The following NRXN3 variants were observed in gnomAD, a reference collection of about 807,000 sequenced individuals.
NRXN3 encodes neurexin III.
In NRXN3, 32 loss-of-function variants were observed where a neutral mutation model predicts 137.6. The observed-to-expected ratio is 0.23, with a 90% confidence interval of 0.18 to 0.31. The LOEUF (loss-of-function observed/expected upper bound fraction) is 0.31. Ranked by LOEUF, NRXN3 falls within the 10% of genes least tolerant of loss-of-function variation. The probability of loss-of-function intolerance (pLI) is 1.00; values close to 1 mark genes in which losing one functional copy is unlikely to be tolerated. For missense variants in NRXN3, 1,574 were observed against 2,062.5 expected, an observed-to-expected ratio of 0.76 and a Z score of 4.59; for synonymous variants, 798 against 784.5, an observed-to-expected ratio of 1.02 and a Z score of -0.29.
At chr14:78,966,454 A>T (rs2099417423) in intron 12 of NRXN3, 48 bp downstream of exon 12, 2 of 1,555,894 alleles carry the variant, frequency 1.3e-6, no homozygotes, top group Non-Finnish European at 1.7e-6. Context: ...TAATCTACTG[A>T]AGCTCTACGT....
chr14:79,818,442 C>G (rs2099259867), intron 20 of NRXN3, among the ~76,000 whole-genome samples: 2 of 152,188 alleles, frequency 1.3e-5, no homozygotes, highest in Admixed American at 1.3e-4. Flanking sequence ...TGTTAGGAAT[C>G]TAAGGATAGA....
At chr14:79,011,516 C>T (rs1487096026) in intron 15 of NRXN3, among the ~76,000 whole-genome samples, 1 of 151,424 alleles carries the variant, frequency 6.6e-6, no homozygotes, top group Non-Finnish European at 1.5e-5. Flanking sequence ...CTATCATTAT[C>T]CATGTTGATA....
intron 1 of NRXN3, among the ~76,000 whole-genome samples, chr14:78,174,119 GATAACA>G (rs1355770879): frequency 5.9e-5 from 9 of 152,140 alleles, no homozygotes; most frequent in Non-Finnish European, 8.8e-5. Context: ...AATGGGGGTA[GATAACA>G]TTAATAATTT....
chr14:78,749,995 C>T (rs1402851229), intron 8 of NRXN3, among the ~76,000 whole-genome samples: 1 of 152,340 alleles, frequency 6.6e-6, no homozygotes, highest in African/African-American at 2.4e-5. Flanking sequence ...GTTCCTTCAG[C>T]CTCCAAAAGC....
intron 19 of NRXN3, among the ~76,000 whole-genome samples, chr14:79,769,361 G>C (rs759631254): frequency 6.6e-6 from 1 of 151,442 alleles, no homozygotes; most frequent in African/African-American, 2.4e-5. Context: ...AAATGTTAAG[G>C]GCAGCCAGAG....
chr14:79,624,917 C>T (rs1346567204), intron 16 of NRXN3, among the ~76,000 whole-genome samples: 1 of 151,688 alleles, frequency 6.6e-6, no homozygotes, highest in Non-Finnish European at 1.5e-5. Context: ...GATTCTGTCA[C>T]ATCAGTGTCC....
chr14:78,993,568 G>C (rs1343186031), intron 15 of NRXN3, among the ~76,000 whole-genome samples: 4 of 152,130 alleles, frequency 2.6e-5, no homozygotes, highest in South Asian at 2.1e-4. Flanking sequence ...ACAATTGTTT[G>C]TTGCTTAGAA....
At chr14:79,230,833 C>T (rs2153276035) in intron 15 of NRXN3, among the ~76,000 whole-genome samples, 1 of 152,166 alleles carries the variant, frequency 6.6e-6, no homozygotes, top group Non-Finnish European at 1.5e-5. Context: ...AGTAATGTGA[C>T]CTCCTGCTAT....
intron 15 of NRXN3, among the ~76,000 whole-genome samples, chr14:79,397,343 T>C (rs570068174): frequency 6.6e-6 from 1 of 152,350 alleles, no homozygotes; most frequent in Admixed American, 6.5e-5. Flanking sequence ...AATTGCAAGA[T>C]AATTGATAAC....
At chr14:79,487,399 C>T (rs1156579963) in intron 16 of NRXN3, among the ~76,000 whole-genome samples, 1 of 152,130 alleles carries the variant, frequency 6.6e-6, no homozygotes, top group African/African-American at 2.4e-5. Flanking sequence ...TTTACAAAAA[C>T]AGACACCGAG....
At chr14:79,605,083 A>G (rs1461201962) in intron 16 of NRXN3, among the ~76,000 whole-genome samples, 1 of 152,176 alleles carries the variant, frequency 6.6e-6, no homozygotes, top group Non-Finnish European at 1.5e-5. Context: ...TTCAATTTAT[A>G]GTTAGCATGA....
intron 8 of NRXN3, among the ~76,000 whole-genome samples, chr14:78,778,295 G>T (rs2098751369): frequency 6.6e-6 from 1 of 152,150 alleles, no homozygotes; most frequent in African/African-American, 2.4e-5. Context: ...GACACATGGA[G>T]TTTACTTTAA....
intron 4 of NRXN3, among the ~76,000 whole-genome samples, chr14:78,607,075 G>A (rs2152456373): frequency 6.6e-6 from 1 of 152,216 alleles, no homozygotes; most frequent in South Asian, 2.1e-4. Flanking sequence ...TGGAGCTGAG[G>A]GCATTGTAAG....
chr14:78,355,799 C>A (rs959855041), intron 4 of NRXN3, among the ~76,000 whole-genome samples: 1 of 152,188 alleles, frequency 6.6e-6, no homozygotes, highest in Non-Finnish European at 1.5e-5. Context: ...ACGGATACGT[C>A]ATTTATCAAT....
chr14:78,896,746 A>G (rs1342363297), intron 10 of NRXN3, among the ~76,000 whole-genome samples: 3 of 151,976 alleles, frequency 2.0e-5, no homozygotes, highest in Non-Finnish European at 4.4e-5. Flanking sequence ...AATGTTTATC[A>G]ATAAGTTGGA....
chr14:79,732,867 A>G (rs2098928862), intron 19 of NRXN3, among the ~76,000 whole-genome samples: 1 of 152,164 alleles, frequency 6.6e-6, no homozygotes, highest in South Asian at 2.1e-4. Flanking sequence ...CTTAAACACT[A>G]TTTATACAGT....
rs1282944424 is a variant in NRXN3 at position 79,865,323 on chromosome 14, T to C, written c.*3359T>C. The C allele has an allele frequency of 6.6e-6, 1 of 152,240 alleles. No homozygotes were observed. The highest frequency in any genetic ancestry group is 1.5e-5 in the Non-Finnish European group (1 of 68,048). The allele number at this position is 152,240 out of a possible 1,614,324, so 9.4% of individuals were successfully genotyped here. ...ATACACCCATTGTAGCAGTAATGTC[T>C]CATATTTCTCGTTCTCTCAGCACAC... On this transcript the variant is annotated 3_prime_UTR_variant, in exon 21 of 21. Coordinates refer to ENST00000335750, the MANE Select transcript of NRXN3 (RefSeq NM_001330195.2).
intron 15 of NRXN3, among the ~76,000 whole-genome samples, chr14:79,432,865 G>A (rs1283399320): frequency 6.6e-6 from 1 of 152,164 alleles, no homozygotes; most frequent in Non-Finnish European, 1.5e-5. Flanking sequence ...TCTGGTGACC[G>A]AGTTCTCAAG....
In NRXN3 at chr14:79,809,270, T is replaced by G. The variant is rs1460167063; in HGVS notation, c.4093+4080T>G. Among the ~76,000 whole-genome samples, 8 of 152,188 alleles carry G rather than the reference T, an allele frequency of 5.3e-5. No homozygotes were observed. In the East Asian group the frequency reaches 1.5e-3, roughly 29 times the overall value. On this transcript the variant is annotated intron_variant, in intron 20 of 20. Transcript: ENST00000335750. ...AACAAATTTGTTTTAGAATTTTTAT[T>G]TCTTTATTTTGAGACTGGGTAACAA...
Sources: gnomAD v4.1 joint callset for allele counts (sites outside exome capture counted in the v4.1 genomes callset) on GRCh38, gnomAD v4.1.1 for gene constraint, MANE v1.5 for transcripts, NCBI Gene and HGNC (gene_info 2026-07-23, HGNC 2026-07-21) for gene names.